Variants in ANO6 observed in about 807,000 individuals in gnomAD.
The protein encoded by ANO6 is anoctamin 6, also known as anoctamin-6.
In ANO6, 106 loss-of-function variants were observed where a neutral mutation model predicts 117.5. The observed-to-expected ratio is 0.90, with a 90% CI of 0.77 to 1.06. The LOEUF (loss-of-function observed/expected upper bound fraction) is 1.06. Among genes scored for constraint, ANO6 ranks in the 50% least tolerant of loss-of-function variants. The probability of loss-of-function intolerance (pLI) is 0.00; values close to 1 mark genes in which losing one functional copy is unlikely to be tolerated. For missense variants in ANO6, 955 were observed against 1,121.1 expected (o/e 0.85, Z 2.12); for synonymous variants, 367 against 385.1 (o/e 0.95, Z 0.55).
intron 2 of ANO6, among the ~76,000 whole-genome samples, chr12:45,315,193 T>C (rs571838310): frequency 2.6e-5 from 4 of 152,224 alleles, no homozygotes; most frequent in African/African-American, 9.6e-5. Context: ...AGACAACTTG[T>C]GATGCAGCTA....
intron 1 of ANO6, chr12:45,228,086 C>G (rs1409541091): frequency 1.6e-5 from 6 of 364,728 alleles, no homozygotes; most frequent in South Asian, 1.2e-4. Flanking sequence ...ATCAGTGGTC[C>G]CTGTGGCCTA....
At chr12:45,304,659 A>C (rs1296879599) in intron 2 of ANO6, among the ~76,000 whole-genome samples, 1 of 152,220 alleles carries the variant, frequency 6.6e-6, no homozygotes, top group Non-Finnish European at 1.5e-5. Flanking sequence ...GGGTGTATTT[A>C]TAGAGTTTGG....
At chr12:45,240,122 G>A (rs148030183) in intron 1 of ANO6, among the ~76,000 whole-genome samples, 4 of 152,158 alleles carry the variant, frequency 2.6e-5, no homozygotes, top group South Asian at 4.1e-4. Context: ...TGACAGTGGG[G>A]TGTTAAAGTC....
chr12:45,301,913 T>A lies in ANO6; in HGVS notation c.71-101T>A. ...AAATAATATAAACCTGTCAATGTGC[T>A]ACCAATGTTAATAACCCGGTGCTGC... On this transcript the variant is annotated intron_variant, in intron 1 of 19. Coordinates refer to ENST00000320560, the MANE Select transcript of ANO6 (RefSeq NM_001025356.3). 5.3e-6 allele frequency: 5 copies of A among 948,936 alleles called. No individual in the cohort carries two copies. The South Asian group carries it at 6.6e-5, about 13-fold the overall frequency. The allele number at this position is 948,936 out of a possible 1,614,324, so 58.8% of individuals were successfully genotyped here.
chr12:45,238,159 T>G (rs1327829561), intron 1 of ANO6, among the ~76,000 whole-genome samples: 1 of 149,018 alleles, frequency 6.7e-6, no homozygotes, highest in Non-Finnish European at 1.5e-5. Flanking sequence ...TTCTTTTTTT[T>G]TTTTTTTTTG....
intron 1 of ANO6, among the ~76,000 whole-genome samples, chr12:45,262,888 C>T (rs557022857): frequency 1.2e-4 from 18 of 152,198 alleles, no homozygotes; most frequent in African/African-American, 3.1e-4. Context: ...TACTTTGTGG[C>T]GAAAGTAGTG....
At chr12:45,429,063 C>A (rs373893868) in intron 19 of ANO6, 42 bp from the exon 20 acceptor site, 9 of 1,604,860 alleles carry the variant, frequency 5.6e-6, no homozygotes, top group Non-Finnish European at 7.7e-6. Context: ...GTGTTCTCCT[C>A]CATTTCTTTG....
intron 12 of ANO6, among the ~76,000 whole-genome samples, 153 bp from the exon 13 acceptor site, chr12:45,401,642 T>A (rs563861934): frequency 1.3e-5 from 2 of 152,208 alleles, no homozygotes; most frequent in Non-Finnish European, 2.9e-5. Flanking sequence ...TTTTAAAAAA[T>A]TTAACATGCC....
At chr12:45,337,051 T>A (rs917606187) in intron 3 of ANO6, among the ~76,000 whole-genome samples, 2 of 152,066 alleles carry the variant, frequency 1.3e-5, no homozygotes, top group Non-Finnish European at 2.9e-5. Context: ...GATAGAAAAA[T>A]ATTTGCAATA....
chr12:45,302,951 C>T (rs1248024212), intron 2 of ANO6, among the ~76,000 whole-genome samples: 1 of 152,146 alleles, frequency 6.6e-6, no homozygotes, highest in African/African-American at 2.4e-5. Flanking sequence ...TATACAATCA[C>T]CACTCCAGTA....
rs531058609 is a variant in ANO6, at chr12:45,400,435, C to T, written c.1387-1360C>T. Among the ~76,000 whole-genome samples, 19 of 152,208 alleles carry T rather than the reference C, an allele frequency of 1.2e-4. No individual in the cohort carries two copies. The South Asian group carries it at 3.5e-3, about 28-fold the overall frequency. The stretch of plus-strand genomic sequence containing the variant: ...TCTCACAAGTGTTGAGACTTAACTG[C>T]GAAAGGAAATAGATTACAGGAGAAA... On this transcript the variant is annotated intron_variant, in intron 12 of 19. Coordinates refer to ENST00000320560, the MANE Select transcript of ANO6 (RefSeq NM_001025356.3).
chr12:45,359,339 C>A (rs1941495432), intron 8 of ANO6, among the ~76,000 whole-genome samples: 1 of 152,124 alleles, frequency 6.6e-6, no homozygotes. Context: ...AATGTGTAAA[C>A]AATTCAGGTG....
At chr12:45,318,003 T>A (rs370191226) in intron 2 of ANO6, among the ~76,000 whole-genome samples, 1 of 152,138 alleles carries the variant, frequency 6.6e-6, no homozygotes, top group African/African-American at 2.4e-5. Context: ...GTTTGAGTTC[T>A]TTGTAGATTT....
At chr12:45,233,051 A>G (rs555313731) in intron 1 of ANO6, among the ~76,000 whole-genome samples, 4 of 152,332 alleles carry the variant, frequency 2.6e-5, no homozygotes, top group Admixed American at 1.3e-4. Context: ...ATTCTCAGCC[A>G]GAAATGGCTC....
At chr12:45,328,073 T>C (rs1393084727) in intron 2 of ANO6, among the ~76,000 whole-genome samples, 1 of 152,074 alleles carries the variant, frequency 6.6e-6, no homozygotes, top group African/African-American at 2.4e-5. Context: ...TCCTGACACA[T>C]TTGACTCTAA....
intron 1 of ANO6, among the ~76,000 whole-genome samples, chr12:45,279,080 T>C (rs1938641035): frequency 6.6e-6 from 1 of 152,198 alleles, no homozygotes; most frequent in African/African-American, 2.4e-5. Flanking sequence ...GAAGAGCCTC[T>C]GTTCACTCTT....
In ANO6 at chr12:45,331,444, CCTTT is replaced by C. The variant is rs778960751; in HGVS notation, c.279+26_279+29del. 8.8e-6 allele frequency: 14 copies of C among 1,584,020 alleles called. No homozygotes were observed. The Admixed American group carries it at 2.4e-4, about 28-fold the overall frequency. ...AAAGGGTAAGTTTTTATGCTATTTT[CCTTT>C]CTTTTTATTTCTTATATTGTAACAT... On this transcript the variant is annotated intron_variant, in intron 3 of 19. Coordinates refer to ENST00000320560, the MANE Select transcript of ANO6 (RefSeq NM_001025356.3).
At chr12:45,294,971 A>T (rs1417634880) in intron 1 of ANO6, among the ~76,000 whole-genome samples, 1 of 152,204 alleles carries the variant, frequency 6.6e-6, no homozygotes, top group Non-Finnish European at 1.5e-5. Flanking sequence ...CGTCAGTTTC[A>T]TATATATGTC....
At position 45,257,584 on chromosome 12, in the gene ANO6, C is replaced by T. The variant is rs138197667; in HGVS notation, c.70+41193C>T. Among the ~76,000 whole-genome samples the T allele has an allele frequency of 7.9e-5, 12 of 152,286 alleles. No individual in the cohort carries two copies. The East Asian group carries it at 1.4e-3, about 17-fold the overall frequency. On this transcript the variant is annotated intron_variant, in intron 1 of 19. Transcript: ENST00000320560. ...TACCACTCTGCTTCGTCTTTTTGCT[C>T]GATGTCCTTTAAATTCTGCCTTCCA... is the stretch of plus-strand genomic sequence containing the variant.
Sources: gnomAD v4.1 joint callset for allele counts (sites outside exome capture counted in the v4.1 genomes callset) on GRCh38, gnomAD v4.1.1 for gene constraint, MANE v1.5 for transcripts, NCBI Gene and HGNC (gene_info 2026-07-23, HGNC 2026-07-21) for gene names.